Variants in MCM9 observed in about 807,000 individuals in gnomAD.
MCM9 encodes DNA helicase MCM9.
In MCM9, 55 loss-of-function variants were observed where a neutral mutation model predicts 72.8. The observed-to-expected ratio is 0.76, with a 90% CI of 0.61 to 0.95. MCM9 has a LOEUF of 0.95. Ranked by LOEUF, MCM9 falls within the 40% of genes least tolerant of loss-of-function variation. The pLI is 0.00. For synonymous variants in MCM9, 480 were observed against 503.4 expected (o/e 0.95, Z 0.62); for missense variants, 1,279 against 1,377.0 (o/e 0.93, Z 1.13).
In MCM9 at chr6:118,894,645, G is replaced by C. The variant is rs534302017; in HGVS notation, c.1150+17005C>G. 6 of 837,322 alleles carry C rather than the reference G, an allele frequency of 7.2e-6. No individual in the cohort carries two copies. The South Asian group carries it at 8.2e-5, about 11-fold the overall frequency. 51.9% of individuals were successfully genotyped at this position (837,322 alleles called of 1,614,324 possible). On this transcript the variant is annotated intron_variant, in intron 8 of 13. Coordinates refer to ENST00000619706, the MANE Select transcript of MCM9 (RefSeq NM_017696.3). ...CCTGGCGGCCGCGGGCTGCTCTGCG[G>C]AGGGAAACTTGAAGTTGATGGACGA... is the stretch of plus-strand genomic sequence containing the variant.
chr6:118,813,774 T>C lies in MCM9; in HGVS notation c.*1050A>G, dbSNP rs1410605737. The C allele has an allele frequency of 6.6e-6, 1 of 152,196 alleles. No homozygotes were observed. Among genetic ancestry groups the C allele is most frequent in the Non-Finnish European group, 1.5e-5 (1 of 68,034 alleles). 9.4% of individuals were successfully genotyped at this position (152,196 alleles called of 1,614,324 possible). A position where few individuals can be genotyped will look rare whatever the true frequency, so the allele number is the denominator to read the frequency against. ...ATCTATTCTGACCAAAAACAGTATA[T>C]AATTTCCTTGGTTTTAAAGACAAGT... is the stretch of plus-strand genomic sequence containing the variant. On this transcript the variant is annotated 3_prime_UTR_variant, in exon 14 of 14. Transcript: ENST00000619706.
chr6:118,815,850 T>C lies in MCM9; in HGVS notation c.2406A>G (p.Ser802=). 1 of 1,540,364 alleles carries C rather than the reference T, an allele frequency of 6.5e-7. No individual in the cohort carries two copies. The highest frequency in any genetic ancestry group is 8.7e-7 in the Non-Finnish European group (1 of 1,147,026). Residue 802 remains serine, a synonymous_variant, in exon 14 of 14, where the codon TCA becomes TCG. Coordinates refer to ENST00000619706, the MANE Select transcript of MCM9 (RefSeq NM_017696.3). ...RSKVDIGLLP[S]PGETGVPWRA... ...TCCATGGAACACCTGTCTCTCCTGG[T>C]GATGGAAGCAACCCAATGTCCACTT...
intron 8 of MCM9, among the ~76,000 whole-genome samples, chr6:118,896,041 GTTTTT>G (rs200142006): frequency 0.011 from 1,541 of 138,572 alleles, 28 homozygotes; most frequent in African/African-American, 0.038. Flanking sequence ...ATGTGCCCCC[GTTTTT>G]TTTTTTTTTT....
At chr6:118,849,066 T>A (rs1348529280) in intron 9 of MCM9, among the ~76,000 whole-genome samples, 1 of 151,894 alleles carries the variant, frequency 6.6e-6, no homozygotes, top group Non-Finnish European at 1.5e-5. Flanking sequence ...TTTTCGATTG[T>A]TCATAAAGCT....
chr6:118,907,578 A>G lies in MCM9; in HGVS notation c.1150+4072T>C, dbSNP rs1780261754. The G allele has an allele frequency of 2.5e-6, 4 of 1,613,534 alleles. No individual in the cohort carries two copies. The East Asian group carries it at 8.9e-5, about 36-fold the overall frequency. On this transcript the variant is annotated intron_variant, in intron 8 of 13. Coordinates refer to ENST00000619706, the MANE Select transcript of MCM9 (RefSeq NM_017696.3). ...GATGGTCCACATCAGAAAACTCACTAAATGTCATGTTAGAATCCCACATGG... is the reference window on the plus strand; with the variant it reads ...GATGGTCCACATCAGAAAACTCACTGAATGTCATGTTAGAATCCCACATGG...
rs138588412 is a variant in MCM9, at chr6:118,842,746, C to T, written c.1326-13496G>A. ...TGTTGCCCAGGTTGGTCTTGAACTA[C>T]GAGCCTCAAGTGATCCTCTGCCTCA... On this transcript the variant is annotated intron_variant, in intron 9 of 13. Coordinates refer to ENST00000619706, the MANE Select transcript of MCM9 (RefSeq NM_017696.3). Among the ~76,000 whole-genome samples, 278 of 152,184 alleles carry T rather than the reference C, an allele frequency of 1.8e-3. 1 individual carries two copies. Among genetic ancestry groups the T allele is most frequent in the South Asian group, 0.01 (50 of 4,808 alleles).
In MCM9 at chr6:118,863,971, A is replaced by T. The variant is rs150759369; in HGVS notation, c.1151-7426T>A. Among the ~76,000 whole-genome samples the T allele has an allele frequency of 2.4e-4, 36 of 152,248 alleles. No individual in the cohort carries two copies. In the East Asian group the frequency reaches 6.9e-3, roughly 29 times the overall value. Reference sequence around the variant, plus strand: ...ATCACCTTAAACATCAATGTTCTAAATATATCAATTAAGACAGAGATTGTC... The same window carrying T: ...ATCACCTTAAACATCAATGTTCTAATTATATCAATTAAGACAGAGATTGTC... On this transcript the variant is annotated intron_variant, in intron 8 of 13. Coordinates refer to ENST00000619706, the MANE Select transcript of MCM9 (RefSeq NM_017696.3).
chr6:118,931,776 A>G, intron 2 of MCM9, 38 bp from the exon 3 acceptor site: 2 of 1,430,088 alleles, frequency 1.4e-6, no homozygotes, highest in Non-Finnish European at 1.9e-6. Context: ...TATATTTGAT[A>G]CTCAAGATGT....
At position 118,898,425 on chromosome 6, in the gene MCM9, A is replaced by ATT. The variant is rs34394511; in HGVS notation, c.1150+13223_1150+13224dup. On this transcript the variant is annotated intron_variant, in intron 8 of 13. Transcript: ENST00000619706. ...AATTCATGAAAACCTTTATGTAATAATTTTTTTTTTTTTTTTTTGGAGACA... is the reference window on the plus strand; with the variant it reads ...AATTCATGAAAACCTTTATGTAATAATTTTTTTTTTTTTTTTTTTTGGAGACA... Among the ~76,000 whole-genome samples the ATT allele has an allele frequency of 2.4e-3, 335 of 140,532 alleles. 4 individuals are homozygous for ATT. Among genetic ancestry groups the ATT allele is most frequent in the Middle Eastern group, 0.011 (3 of 282 alleles). 92.2% of individuals were successfully genotyped at this position (140,532 alleles called of 152,430 possible). A position where few individuals can be genotyped will look rare whatever the true frequency, so the allele number is the denominator to read the frequency against.
At chr6:118,843,672 A>ATATG (rs1321655061) in intron 9 of MCM9, among the ~76,000 whole-genome samples, 1 of 40,672 alleles carries the variant, frequency 2.5e-5, no homozygotes, top group Non-Finnish European at 5.3e-5. Flanking sequence ...ATATATATGT[A>ATATG]TGTATATATA....
chr6:118,854,129 CTT>C (rs1391473085), intron 9 of MCM9, among the ~76,000 whole-genome samples: 3 of 152,066 alleles, frequency 2.0e-5, no homozygotes, highest in Non-Finnish European at 4.4e-5. Context: ...TTCTTAAATT[CTT>C]TTTGTTTTTC....
chr6:118,828,142 A>G lies in MCM9; in HGVS notation c.1529-12T>C. On this transcript the variant is annotated splice_polypyrimidine_tract_variant and intron_variant, in intron 10 of 13. Transcript: ENST00000619706. The stretch of plus-strand genomic sequence containing the variant: ...TTTGCTTGGGTAACCTGTATGTATC[A>G]GGTGTTGGGTCAGTAAGTTCTTAGG... 1 of 1,545,730 alleles carries G rather than the reference A, an allele frequency of 6.5e-7. No homozygotes were observed. Among genetic ancestry groups the G allele is most frequent in the South Asian group, 1.2e-5 (1 of 83,858 alleles).
chr6:118,891,442 T>A (rs1778934274), intron 8 of MCM9, among the ~76,000 whole-genome samples: 1 of 152,214 alleles, frequency 6.6e-6, no homozygotes, highest in African/African-American at 2.4e-5. Flanking sequence ...AGAAATTTAC[T>A]TTCTCACAGT....
intron 8 of MCM9, among the ~76,000 whole-genome samples, chr6:118,861,681 T>A (rs1048722925): frequency 1.3e-5 from 2 of 152,198 alleles, no homozygotes; most frequent in African/African-American, 4.8e-5. Context: ...TGCATCTGGC[T>A]GGGTCTGGGG....
At chr6:118,856,223 G>T in intron 9 of MCM9, 148 bp downstream of exon 9, 1 of 669,544 alleles carries the variant, frequency 1.5e-6, no homozygotes, top group Non-Finnish European at 2.3e-6. Flanking sequence ...GTCTAATAAG[G>T]AAAAACTCTA....
Position 118,815,977 on chromosome 6 carries a change from A to G in MCM9, c.2279T>C (p.Val760Ala). 1 of 1,550,520 alleles carries G rather than the reference A, an allele frequency of 6.4e-7. No individual in the cohort carries two copies. The highest frequency in any genetic ancestry group is 1.2e-5 in the South Asian group (1 of 84,062). Residue 760 changes from valine to alanine, a missense_variant, in exon 14 of 14, where the codon GTT (valine) becomes GCT (alanine). Physicochemically the swap from Val to Ala is moderately conservative, Grantham distance 64. Coordinates refer to ENST00000619706, the MANE Select transcript of MCM9 (RefSeq NM_017696.3). ...THQSEPKNTV[V>A]VSPHPKTSGE... ...AGATGTTTTGGGATGAGGAGACACA[A>G]CAACAGTGTTTTTAGGTTCACTCTG...
At chr6:118,877,273 G>A (rs1777995935) in intron 8 of MCM9, among the ~76,000 whole-genome samples, 1 of 152,142 alleles carries the variant, frequency 6.6e-6, no homozygotes, top group Non-Finnish European at 1.5e-5. Context: ...TGCCCAAATT[G>A]CAGATCTGTA....
At chr6:118,880,974 A>T (rs1778249239) in intron 8 of MCM9, among the ~76,000 whole-genome samples, 1 of 152,220 alleles carries the variant, frequency 6.6e-6, no homozygotes, top group Non-Finnish European at 1.5e-5. Context: ...CAAACCTAAG[A>T]TAAGGTAATT....
rs563379508 is a variant in MCM9 at position 118,900,698 on chromosome 6, G to A, written c.1150+10952C>T. On this transcript the variant is annotated intron_variant, in intron 8 of 13. Coordinates refer to ENST00000619706, the MANE Select transcript of MCM9 (RefSeq NM_017696.3). ...GTAAGTGGCTAAGTGGACATTAAAA[G>A]GGTCTTTGATGTCATCTGGTAATGT... The A allele has an allele frequency of 2.1e-4, 232 of 1,117,082 alleles. No homozygotes were observed. In the African/African-American group the frequency reaches 3.2e-3, roughly 15 times the overall value. 69.2% of individuals were successfully genotyped at this position (1,117,082 alleles called of 1,614,324 possible).
Sources: allele counts gnomAD v4.1 joint callset (sites outside exome capture counted in the v4.1 genomes callset), GRCh38; gene constraint gnomAD v4.1.1; transcripts MANE v1.5; gene names NCBI Gene and HGNC (gene_info 2026-07-23, HGNC 2026-07-21).